The following KHDRBS2 variants were observed in gnomAD, a reference collection of about 807,000 sequenced individuals.
The protein encoded by KHDRBS2 is KH RNA binding domain containing, signal transduction associated 2.
KHDRBS2 carries 26 observed loss-of-function variants against 44.3 expected under a neutral mutation model. The ratio of observed to expected loss-of-function variants is 0.59; its 90% CI spans 0.43 to 0.81. The LOEUF (loss-of-function observed/expected upper bound fraction) is 0.81, where lower values mean the gene tolerates loss of function less well. KHDRBS2 is among the 40% of genes least tolerant of loss of function. KHDRBS2 has a pLI of 0.00. For missense variants in KHDRBS2, 476 were observed against 433.1 expected, an observed-to-expected ratio of 1.10 and a Z score of -0.88; for synonymous variants, 194 against 151.1, an observed-to-expected ratio of 1.28 and a Z score of -2.08.
At chr6:62,267,113 C>T (rs1839336837) in intron 1 of KHDRBS2, among the ~76,000 whole-genome samples, 1 of 151,928 alleles carries the variant, frequency 6.6e-6, no homozygotes, top group South Asian at 2.1e-4. Flanking sequence ...TCCTTTGCAA[C>T]CCTTTTGGTT....
intron 1 of KHDRBS2, among the ~76,000 whole-genome samples, chr6:62,221,837 T>G (rs940596313): frequency 2.0e-5 from 3 of 152,082 alleles, no homozygotes; most frequent in Non-Finnish European, 4.4e-5. Flanking sequence ...CTGCCAACAC[T>G]CTATATAAGC....
At chr6:62,095,369 C>A (rs1337145636) in intron 2 of KHDRBS2, among the ~76,000 whole-genome samples, 1 of 151,738 alleles carries the variant, frequency 6.6e-6, no homozygotes, top group Non-Finnish European at 1.5e-5. Context: ...CCGTCCTATG[C>A]AGGTATATAA....
At chr6:61,697,524 C>CA (rs998856530) in intron 7 of KHDRBS2, among the ~76,000 whole-genome samples, 3 of 151,880 alleles carry the variant, frequency 2.0e-5, no homozygotes, top group Non-Finnish European at 4.4e-5. Context: ...TATAACACTT[C>CA]AAAATCTGTC....
At chr6:61,833,254 T>A (rs1435366431) in intron 6 of KHDRBS2, among the ~76,000 whole-genome samples, 1 of 152,190 alleles carries the variant, frequency 6.6e-6, no homozygotes, top group Non-Finnish European at 1.5e-5. Flanking sequence ...CACAGAGACA[T>A]AACAATTTGT....
At chr6:62,104,399 G>A (rs555793512) in intron 2 of KHDRBS2, among the ~76,000 whole-genome samples, 205 of 151,836 alleles carry the variant, frequency 1.4e-3, no homozygotes, top group Non-Finnish European at 1.8e-3. Flanking sequence ...CCACTAACTC[G>A]TCATCTAGCA....
chr6:62,240,646 GTGTATGTGTGTATGTATGTGTGTGTGTA>G (rs1834455299), intron 1 of KHDRBS2, among the ~76,000 whole-genome samples: 2 of 133,518 alleles, frequency 1.5e-5, no homozygotes, highest in African/African-American at 5.6e-5. Flanking sequence ...ATATGTGTGT[GTGTATGTGTGTATGTATGTGTGTGTGTA>G]TATATATATA....
At chr6:61,914,679 A>T (rs1806674090) in intron 4 of KHDRBS2, among the ~76,000 whole-genome samples, 1 of 152,118 alleles carries the variant, frequency 6.6e-6, no homozygotes. Flanking sequence ...TTTAAAAAGC[A>T]TTTCTAAACA....
At chr6:62,106,564 T>C (rs1046892543) in intron 2 of KHDRBS2, among the ~76,000 whole-genome samples, 1 of 152,154 alleles carries the variant, frequency 6.6e-6, no homozygotes, top group African/African-American at 2.4e-5. Context: ...TCTGAAACTA[T>C]TCCATTCAAT....
chr6:61,879,515 AG>A (rs899688760), intron 6 of KHDRBS2, among the ~76,000 whole-genome samples: 73 of 152,072 alleles, frequency 4.8e-4, no homozygotes, highest in African/African-American at 1.7e-3. Context: ...CCTTAATTAA[AG>A]AAACAAGAAT....
the KHDRBS2 span, among the ~76,000 whole-genome samples, chr6:61,620,974 T>C: frequency 6.6e-6 from 1 of 152,236 alleles, no homozygotes; most frequent in Non-Finnish European, 1.5e-5. Flanking sequence ...ATCCCTAATA[T>C]GTATCTCCAA....
intron 2 of KHDRBS2, among the ~76,000 whole-genome samples, chr6:62,155,305 G>C (rs1271879217): frequency 2.0e-5 from 3 of 152,164 alleles, no homozygotes; most frequent in Non-Finnish European, 4.4e-5. Context: ...GAAATTCTAA[G>C]GAAAATAAAA....
chr6:62,285,771 G>T, intron 1 of KHDRBS2, 87 bp downstream of exon 1: 1 of 843,546 alleles, frequency 1.2e-6, no homozygotes. Flanking sequence ...GGGGAGAGGA[G>T]TCCCTCCCCA....
At chr6:62,018,315 G>C (rs200234814) in intron 3 of KHDRBS2, among the ~76,000 whole-genome samples, 1 of 18,676 alleles carries the variant, frequency 5.4e-5, no homozygotes, top group African/African-American at 8.6e-5. Flanking sequence ...GTGTGTGTGT[G>C]TGTGTGTGTG....
intron 2 of KHDRBS2, among the ~76,000 whole-genome samples, chr6:62,152,622 C>A (rs1815463971): frequency 6.6e-6 from 1 of 152,148 alleles, no homozygotes; most frequent in South Asian, 2.1e-4. Context: ...GTAGAATTTG[C>A]ATAGGAGACT....
the KHDRBS2 span, among the ~76,000 whole-genome samples, chr6:61,569,040 T>A: frequency 3.0e-5 from 1 of 33,814 alleles, no homozygotes; most frequent in African/African-American, 1.2e-4. Flanking sequence ...GGGAAGCTCA[T>A]GGCATGGGGC....
rs532396995 is a variant in KHDRBS2 at position 62,043,292 on chromosome 6, G to A, written c.336+4586C>T. On this transcript the variant is annotated intron_variant, in intron 3 of 8. Coordinates refer to ENST00000281156, the MANE Select transcript of KHDRBS2 (RefSeq NM_152688.4). ...AGTAAGTTACCCTGAACATTGCTCA[G>A]AAGCAACTACCAGTGAAACCAGCAG... Among the ~76,000 whole-genome samples, 22 of 152,176 alleles carry A rather than the reference G, an allele frequency of 1.4e-4. 1 individual carries two copies. In the South Asian group the frequency reaches 4.6e-3, roughly 32 times the overall value.
At chr6:62,109,185 A>G (rs1193490224) in intron 2 of KHDRBS2, among the ~76,000 whole-genome samples, 2 of 152,042 alleles carry the variant, frequency 1.3e-5, no homozygotes, top group Non-Finnish European at 2.9e-5. Context: ...TTACAATTTG[A>G]AAAATAGGCA....
chr6:61,839,067 C>T (rs112265000), intron 6 of KHDRBS2, among the ~76,000 whole-genome samples: 2 of 151,934 alleles, frequency 1.3e-5, no homozygotes, highest in African/African-American at 2.4e-5. Context: ...ATGCACTTCC[C>T]TCTGCTACAA....
At chr6:62,086,604 A>G (rs1378073855) in intron 2 of KHDRBS2, among the ~76,000 whole-genome samples, 1 of 152,180 alleles carries the variant, frequency 6.6e-6, no homozygotes, top group Non-Finnish European at 1.5e-5. Context: ...CCCTTGAACC[A>G]CACAACATAA....
Sources: gnomAD v4.1 joint callset for allele counts (sites outside exome capture counted in the v4.1 genomes callset) on GRCh38, gnomAD v4.1.1 for gene constraint, MANE v1.5 for transcripts, NCBI Gene and HGNC (gene_info 2026-07-23, HGNC 2026-07-21) for gene names.